The following PCDHA6 variants were observed in gnomAD, a reference collection of about 807,000 sequenced individuals.
PCDHA6 encodes the protein protocadherin alpha 6, also known as protocadherin alpha-6.
In PCDHA6, 55 loss-of-function variants were observed where a neutral mutation model predicts 60.3. The observed-to-expected ratio is 0.91, with a 90% CI of 0.73 to 1.14. The LOEUF is 1.14. Ranked by LOEUF, PCDHA6 falls within the 50% of genes most tolerant of loss-of-function variation. PCDHA6 has a pLI of 0.00. For missense variants in PCDHA6, 1,327 were observed against 1,256.5 expected (o/e 1.06, Z -0.85); for synonymous variants, 652 against 557.9 (o/e 1.17, Z -2.38).
chr5:140,868,771 A>G lies in PCDHA6; in HGVS notation c.2394+38286A>G, dbSNP rs986240016. 2.7e-4 allele frequency: 70 copies of G among 257,218 alleles called. No individual in the cohort carries two copies. In the Middle Eastern group the frequency reaches 5.2e-3, roughly 19 times the overall value. The allele number at this position is 257,218 out of a possible 1,614,324, so 15.9% of individuals were successfully genotyped here. ...ATTTCCATATATATTTAGTTTCAAT[A>G]TGACTTATAATCTGAATATTCCATA... is the stretch of plus-strand genomic sequence containing the variant. On this transcript the variant is annotated intron_variant, in intron 1 of 3. Coordinates refer to ENST00000529310, the MANE Select transcript of PCDHA6 (RefSeq NM_018909.4).
chr5:141,007,679 T>A (rs1362984196), intron 3 of PCDHA6, among the ~76,000 whole-genome samples: 2 of 152,186 alleles, frequency 1.3e-5, no homozygotes, highest in Admixed American at 6.5e-5. Context: ...ACAAAAGTTA[T>A]CCTACTTCCA....
At chr5:140,857,095 G>T (rs1253933979) in intron 1 of PCDHA6, 2 of 1,597,378 alleles carry the variant, frequency 1.3e-6, no homozygotes, top group Admixed American at 1.7e-5. Context: ...CACCTGAGGT[G>T]ATTGTCACTT....
At chr5:140,883,341 C>G in intron 1 of PCDHA6, 1 of 1,614,144 alleles carries the variant, frequency 6.2e-7, no homozygotes, top group Non-Finnish European at 8.5e-7. Context: ...TTGTCACTCC[C>G]CATCAGAGAA....
At chr5:140,934,930 C>G (rs1467115569) in intron 1 of PCDHA6, among the ~76,000 whole-genome samples, 2 of 152,102 alleles carry the variant, frequency 1.3e-5, no homozygotes, top group Non-Finnish European at 2.9e-5. Context: ...CATAAAGTTA[C>G]AAAACTAGTA....
At chr5:140,877,259 C>G in intron 1 of PCDHA6, 1 of 1,613,752 alleles carries the variant, frequency 6.2e-7, no homozygotes, top group Non-Finnish European at 8.5e-7. Flanking sequence ...AAAGTGCGCG[C>G]GGTGGACGCT....
At chr5:140,856,030 A>G in intron 1 of PCDHA6, 2 of 1,561,578 alleles carry the variant, frequency 1.3e-6, no homozygotes, top group East Asian at 4.5e-5. Context: ...GTCGATTTGT[A>G]AAACAAGAGA....
intron 2 of PCDHA6, among the ~76,000 whole-genome samples, chr5:140,980,478 A>G (rs1186753725): frequency 2.6e-5 from 4 of 152,172 alleles, no homozygotes; most frequent in African/African-American, 4.8e-5. Context: ...AAAAATACAA[A>G]AATTAGCTGG....
At chr5:140,926,804 C>T (rs1298226109) in intron 1 of PCDHA6, 4 of 1,455,652 alleles carry the variant, frequency 2.7e-6, no homozygotes, top group East Asian at 2.5e-5. Context: ...TGCTCTTCCC[C>T]GCGGCTCGTG....
intron 3 of PCDHA6, among the ~76,000 whole-genome samples, chr5:141,003,148 GA>G (rs1554258931): frequency 1.3e-5 from 2 of 152,188 alleles, no homozygotes; most frequent in African/African-American, 4.8e-5. Flanking sequence ...CAAAGACTCT[GA>G]CCTGATCAAT....
At chr5:140,941,508 G>A (rs1296025812) in intron 1 of PCDHA6, among the ~76,000 whole-genome samples, 1 of 151,286 alleles carries the variant, frequency 6.6e-6, no homozygotes, top group African/African-American at 2.4e-5. Flanking sequence ...GTAGAGACGA[G>A]GTTTCACCAT....
At chr5:140,965,538 A>G (rs1554227750) in intron 1 of PCDHA6, among the ~76,000 whole-genome samples, 1 of 151,958 alleles carries the variant, frequency 6.6e-6, no homozygotes, top group Non-Finnish European at 1.5e-5. Flanking sequence ...TGGAATCCAA[A>G]TTCCAGCCTG....
intron 1 of PCDHA6, among the ~76,000 whole-genome samples, chr5:140,947,600 G>A (rs1328645188): frequency 1.3e-5 from 2 of 151,624 alleles, no homozygotes; most frequent in African/African-American, 4.8e-5. Flanking sequence ...ATTTAGGGAA[G>A]ATTTGGTATC....
intron 1 of PCDHA6, chr5:140,967,908 A>T (rs554849478): frequency 6.2e-7 from 1 of 1,614,138 alleles, no homozygotes; most frequent in Non-Finnish European, 8.5e-7. Context: ...GCTACACCCA[A>T]CACCATTGTG....
At chr5:140,962,455 A>G (rs571453201) in intron 1 of PCDHA6, among the ~76,000 whole-genome samples, 4 of 152,246 alleles carry the variant, frequency 2.6e-5, no homozygotes, top group Non-Finnish European at 4.4e-5. Flanking sequence ...TGAATCTCTT[A>G]TGGCTTGAAT....
intron 1 of PCDHA6, chr5:140,877,160 C>G: frequency 6.2e-7 from 1 of 1,613,814 alleles, no homozygotes; most frequent in Non-Finnish European, 8.5e-7. Flanking sequence ...GACAACGCGC[C>G]GGCACTGCTG....
At chr5:140,849,104 A>G in intron 1 of PCDHA6, 1 of 1,463,110 alleles carries the variant, frequency 6.8e-7, no homozygotes, top group Non-Finnish European at 9.3e-7. Flanking sequence ...TAGACAGAGA[A>G]GAAACTCCGG....
chr5:140,840,702 AT>A (rs1776827167), intron 1 of PCDHA6, among the ~76,000 whole-genome samples: 1 of 152,096 alleles, frequency 6.6e-6, no homozygotes, highest in South Asian at 2.1e-4. Flanking sequence ...GGTTCAGGCA[AT>A]TTGACATTTA....
intron 1 of PCDHA6, among the ~76,000 whole-genome samples, chr5:140,936,918 T>C (rs2091208385): frequency 6.6e-6 from 1 of 152,198 alleles, no homozygotes; most frequent in Non-Finnish European, 1.5e-5. Flanking sequence ...CTGTAGAAAA[T>C]ATGGGGTATA....
At chr5:140,876,099 T>C (rs782428764) in intron 1 of PCDHA6, 7 of 1,613,954 alleles carry the variant, frequency 4.3e-6, no homozygotes, top group Middle Eastern at 1.6e-4. Context: ...CAAAACTCAA[T>C]TTATTGCTGA....
Sources: gnomAD v4.1 joint callset for allele counts (sites outside exome capture counted in the v4.1 genomes callset) on GRCh38, gnomAD v4.1.1 for gene constraint, MANE v1.5 for transcripts, NCBI Gene and HGNC (gene_info 2026-07-23, HGNC 2026-07-21) for gene names.